Variants in ADAMTS20 observed in about 807,000 individuals in gnomAD.
ADAMTS20 encodes A disintegrin and metalloproteinase with thrombospondin motifs 20.
ADAMTS20 carries 225 observed loss-of-function variants against 260.1 expected under a neutral mutation model. That is an observed-to-expected ratio of 0.87 (90% confidence interval 0.78 to 0.97). The LOEUF (loss-of-function observed/expected upper bound fraction) is 0.97. ADAMTS20 is among the 50% of genes least tolerant of loss of function. The pLI is 0.00. For missense variants in ADAMTS20, 2,400 were observed against 2,337.7 expected (o/e 1.03, Z -0.55); for synonymous variants, 802 against 769.5 (o/e 1.04, Z -0.70).
chr12:43,518,010 G>A (rs577116663), intron 3 of ADAMTS20, among the ~76,000 whole-genome samples: 1 of 151,986 alleles, frequency 6.6e-6, no homozygotes, highest in East Asian at 1.9e-4. Context: ...TTTCATAAAG[G>A]AATAAGTCAA....
chr12:43,409,328 C>A (rs1363423812), intron 28 of ADAMTS20, among the ~76,000 whole-genome samples: 5 of 151,830 alleles, frequency 3.3e-5, no homozygotes, highest in Non-Finnish European at 2.9e-5. Flanking sequence ...TTAGGCCAGG[C>A]GCGGTGGCTC....
At chr12:43,523,603 T>A (rs1943100854) in intron 3 of ADAMTS20, among the ~76,000 whole-genome samples, 1 of 151,880 alleles carries the variant, frequency 6.6e-6, no homozygotes, top group South Asian at 2.1e-4. Flanking sequence ...AGCAGAAAAA[T>A]TGTGACTTTG....
intron 37 of ADAMTS20, among the ~76,000 whole-genome samples, chr12:43,364,431 T>A (rs557465410): frequency 6.6e-6 from 1 of 152,056 alleles, no homozygotes; most frequent in Admixed American, 6.6e-5. Flanking sequence ...AATATAAATA[T>A]GTTCAAAGGA....
chr12:43,376,765 G>C, intron 32 of ADAMTS20, 112 bp from the exon 33 acceptor site: 8 of 1,260,788 alleles, frequency 6.3e-6, no homozygotes, highest in Non-Finnish European at 8.6e-6. Context: ...AGGGTCAGTA[G>C]TGGCTAGATA....
chr12:43,471,343 G>T (rs1388482831), intron 7 of ADAMTS20, among the ~76,000 whole-genome samples: 1 of 147,822 alleles, frequency 6.8e-6, no homozygotes, highest in Non-Finnish European at 1.5e-5. Context: ...CTACGCCCAC[G>T]GAGTCTCGCT....
chr12:43,500,084 A>T (rs1942735790), intron 4 of ADAMTS20, among the ~76,000 whole-genome samples: 1 of 150,680 alleles, frequency 6.6e-6, no homozygotes, highest in African/African-American at 2.4e-5. Flanking sequence ...ACTGGAGTGC[A>T]GTGGCATGAT....
chr12:43,520,004 G>A (rs2137479565), intron 3 of ADAMTS20, among the ~76,000 whole-genome samples: 1 of 152,212 alleles, frequency 6.6e-6, no homozygotes, highest in South Asian at 2.1e-4. Flanking sequence ...ACAAAAAACT[G>A]GGCAGTTTTG....
chr12:43,530,923 C>G (rs1032168155), intron 3 of ADAMTS20, among the ~76,000 whole-genome samples: 7 of 151,144 alleles, frequency 4.6e-5, no homozygotes, highest in African/African-American at 1.5e-4. Flanking sequence ...ATTGGTGAAA[C>G]TATAATATTG....
At chr12:43,453,722 T>G (rs10467190) in intron 12 of ADAMTS20, among the ~76,000 whole-genome samples, 185 bp downstream of exon 12, 91,843 of 140,600 alleles carry the variant, frequency 0.65, 28,519 homozygotes, top group East Asian at 0.99. Context: ...AATCTATTTA[T>G]GTTTTTTTTT....
chr12:43,452,724 C>A, intron 12 of ADAMTS20, 29 bp from the exon 13 acceptor site: 1 of 1,559,774 alleles, frequency 6.4e-7, no homozygotes, highest in South Asian at 1.2e-5. Context: ...TTTTAAAGCA[C>A]ATCAGTACAA....
chr12:43,464,576 A>C lies in ADAMTS20; in HGVS notation c.1509+15T>G, dbSNP rs574961952. The C allele has an allele frequency of 1.2e-6, 2 of 1,605,236 alleles. No individual in the cohort carries two copies. Among genetic ancestry groups the C allele is most frequent in the East Asian group, 4.5e-5 (2 of 44,756 alleles). ...GGCAGTTTTCGAACAAAATAAAGGA[A>C]TTTTCTTTTCTTACTATATGGGGAC... On this transcript the variant is annotated intron_variant, in intron 10 of 38. Coordinates refer to ENST00000389420, the MANE Select transcript of ADAMTS20 (RefSeq NM_025003.5).
At chr12:43,361,438 C>G (rs914752773) in intron 37 of ADAMTS20, among the ~76,000 whole-genome samples, 11 of 152,210 alleles carry the variant, frequency 7.2e-5, no homozygotes, top group African/African-American at 2.4e-4. Flanking sequence ...CCAATAACAA[C>G]CAATTTTGGA....
intron 11 of ADAMTS20, among the ~76,000 whole-genome samples, chr12:43,456,037 G>A (rs530349245): frequency 6.6e-6 from 1 of 152,298 alleles, no homozygotes; most frequent in East Asian, 1.9e-4. Flanking sequence ...ATATCCAGAA[G>A]TAGAATAGCT....
rs1236154931 is a variant in ADAMTS20, at chr12:43,477,064, A to T, written c.1118-8359T>A. Among the ~76,000 whole-genome samples the T allele has an allele frequency of 2.6e-5, 4 of 151,992 alleles. No homozygotes were observed. In the South Asian group the frequency reaches 8.3e-4, roughly 32 times the overall value. On this transcript the variant is annotated intron_variant, in intron 7 of 38. Coordinates refer to ENST00000389420, the MANE Select transcript of ADAMTS20 (RefSeq NM_025003.5). ...AAAAGACCTCTAAATAAAAAAAAAA[A>T]AAAAACAATTACCTTAACTATCATT...
chr12:43,475,756 T>A (rs1942342214), intron 7 of ADAMTS20, among the ~76,000 whole-genome samples: 2 of 150,604 alleles, frequency 1.3e-5, no homozygotes, highest in Admixed American at 1.3e-4. Flanking sequence ...GGATTCCCTA[T>A]TTAATAAATG....
intron 3 of ADAMTS20, among the ~76,000 whole-genome samples, chr12:43,531,768 T>A (rs1270909066): frequency 1.3e-5 from 2 of 152,110 alleles, no homozygotes; most frequent in African/African-American, 4.8e-5. Context: ...TAAGAGTAGA[T>A]TTTAAGTGTT....
rs1161740021 is a variant in ADAMTS20 at position 43,460,988 on chromosome 12, A to ATTTTTTT, written c.1614+1900_1614+1906dup. Among the ~76,000 whole-genome samples, 38 of 26,394 alleles carry ATTTTTTT rather than the reference A, an allele frequency of 1.4e-3. 1 individual carries two copies. The highest frequency in any genetic ancestry group is 0.05 in the East Asian group (1 of 20). The allele number at this position is 26,394 out of a possible 152,430, so 17.3% of individuals were successfully genotyped here. A position where few individuals can be genotyped will look rare whatever the true frequency, so the allele number is the denominator to read the frequency against. On this transcript the variant is annotated intron_variant, in intron 11 of 38. Coordinates refer to ENST00000389420, the MANE Select transcript of ADAMTS20 (RefSeq NM_025003.5). ...ATTATATATATATATATATATATAT[A>ATTTTTTT]TTTTTTTTTTTTTTTTTTTTTTTGA... is the stretch of plus-strand genomic sequence containing the variant.
At chr12:43,550,203 G>T (rs139804934) in intron 2 of ADAMTS20, among the ~76,000 whole-genome samples, 2,247 of 152,258 alleles carry the variant, frequency 0.015, 53 homozygotes, top group African/African-American at 0.05. Flanking sequence ...CAAGTATGAA[G>T]GTAGGTGAAA....
rs563441100 is a variant in ADAMTS20 at position 43,438,504 on chromosome 12, A to G, written c.2593+1118T>C. Among the ~76,000 whole-genome samples, 15 of 152,268 alleles carry G rather than the reference A, an allele frequency of 9.9e-5. No individual in the cohort carries two copies. In the East Asian group the frequency reaches 1.7e-3, roughly 18 times the overall value. ...TTTCCTTGTATCCCTCCACTGAGAC[A>G]CTGCTAAAATAGGAACATTTGTTCC... is the stretch of plus-strand genomic sequence containing the variant. On this transcript the variant is annotated intron_variant, in intron 18 of 38. Coordinates refer to ENST00000389420, the MANE Select transcript of ADAMTS20 (RefSeq NM_025003.5).
Sources: allele counts gnomAD v4.1 joint callset (sites outside exome capture counted in the v4.1 genomes callset), GRCh38; gene constraint gnomAD v4.1.1; transcripts MANE v1.5; gene names NCBI Gene and HGNC (gene_info 2026-07-23, HGNC 2026-07-21).